HTR2B: variants seen among roughly 807,000 people sequenced by gnomAD.
The protein encoded by HTR2B is 5-hydroxytryptamine receptor 2B.
In HTR2B, 31 loss-of-function variants were observed where a neutral mutation model predicts 39.8. The ratio of observed to expected loss-of-function variants is 0.78; its 90% CI spans 0.58 to 1.05. HTR2B has a LOEUF of 1.05. HTR2B is among the 50% of genes least tolerant of loss of function. HTR2B has a pLI of 0.00. For synonymous variants in HTR2B, 210 were observed against 207.1 expected, an observed-to-expected ratio of 1.01 and a Z score of -0.12; for missense variants, 562 against 578.0, an observed-to-expected ratio of 0.97 and a Z score of 0.28.
chr2:231,113,596 C>A, intron 3 of HTR2B, 133 bp downstream of exon 3: 1 of 807,754 alleles, frequency 1.2e-6, no homozygotes. Flanking sequence ...ACATAAGGAG[C>A]TTATGTTAAT....
intron 2 of HTR2B, among the ~76,000 whole-genome samples, chr2:231,119,518 A>G (rs1695457801): frequency 6.6e-6 from 1 of 151,964 alleles, no homozygotes; most frequent in South Asian, 2.1e-4. Context: ...CATTTTATAT[A>G]CTCTTTCAGC....
chr2:231,119,764 G>A (rs929495640), intron 2 of HTR2B, among the ~76,000 whole-genome samples: 3 of 150,296 alleles, frequency 2.0e-5, no homozygotes, highest in African/African-American at 2.5e-5. Flanking sequence ...CCAGCTACTC[G>A]GGAGGCTGAG....
chr2:231,115,250 C>G (rs1360481691), intron 2 of HTR2B, among the ~76,000 whole-genome samples: 3 of 150,334 alleles, frequency 2.0e-5, no homozygotes, highest in African/African-American at 4.9e-5. Flanking sequence ...CTGTTATTTT[C>G]AAGCATCAAG....
chr2:231,111,725 T>C (rs535040004), intron 3 of HTR2B, among the ~76,000 whole-genome samples: 1 of 152,360 alleles, frequency 6.6e-6, no homozygotes, highest in Admixed American at 6.5e-5. Context: ...GCTGAAAAGC[T>C]GTAAGAGTTC....
rs774215062 is a variant in HTR2B at position 231,123,559 on chromosome 2, A to G, written c.206T>C (p.Ile69Thr). 1.1e-5 allele frequency: 17 copies of G among 1,613,980 alleles called. No individual in the cohort carries two copies. The highest frequency in any genetic ancestry group is 3.3e-5 in the Admixed American group (2 of 60,000). The change falls in exon 2 of 4, where the codon ATT becomes ACT. Residue 69 changes from isoleucine (I) to threonine (T), a missense_variant. Physicochemically the swap from Ile to Thr is moderately conservative, Grantham distance 89. Transcript: ENST00000258400. ...CAGAATAACAAGGGTATTTCCACCA[A>G]TTGTGGGTATTATCACCATGAGTAT... The part of the protein sequence containing the change: ...LLILMVIIPT[I>T]GGNTLVILAV...
intron 3 of HTR2B, among the ~76,000 whole-genome samples, chr2:231,109,768 A>T (rs1198846901): frequency 6.6e-6 from 1 of 152,174 alleles, no homozygotes; most frequent in Non-Finnish European, 1.5e-5. Context: ...TTCAGAAGAG[A>T]ACCTGCTTTT....
At chr2:231,121,575 G>A (rs2125229252) in intron 2 of HTR2B, among the ~76,000 whole-genome samples, 1 of 152,188 alleles carries the variant, frequency 6.6e-6, no homozygotes, top group Non-Finnish European at 1.5e-5. Context: ...TCAGCTGCTG[G>A]ATACCTATTT....
Position 231,123,423 on chromosome 2 carries a change from TG to T in HTR2B, c.341del (p.Thr114LysfsTer2). The T allele has an allele frequency of 6.2e-7, 1 of 1,613,012 alleles. No individual in the cohort carries two copies. The highest frequency in any genetic ancestry group is 8.5e-7 in the Non-Finnish European group (1 of 1,179,032). ...AAGTGAAATACTTACCAAACATTAT[TG>T]TCAAGAGGGCAATTGGCATCACAAA... ...GLFVMPIALL[T>X]IMFEAMWPLP... On this transcript the variant is annotated frameshift_variant, in exon 2 of 4. Transcript: ENST00000258400. LOFTEE classifies it high-confidence loss of function.
intron 2 of HTR2B, among the ~76,000 whole-genome samples, chr2:231,119,028 G>A (rs1695441450): frequency 6.6e-6 from 1 of 152,094 alleles, no homozygotes; most frequent in South Asian, 2.1e-4. Flanking sequence ...TTTCTGTTTT[G>A]TTTTTTACTT....
Position 231,113,752 on chromosome 2 carries a change from G to A in HTR2B, c.530C>T (p.Thr177Ile), listed in dbSNP as rs147997188. Residue 177 changes from threonine (T) to isoleucine (I), a missense_variant, in exon 3 of 4, where the codon ACA becomes ATA. Transcript: ENST00000258400. ...ACCTATTGAAATTAACCACACCACTGTAATCTTGATGAATGCTGTAGCCCG... is the reference window on the plus strand; with the variant it reads ...ACCTATTGAAATTAACCACACCACTATAATCTTGATGAATGCTGTAGCCCG... Reference protein sequence around the residue: ...NSRATAFIKITVVWLISIGIA... With the variant: ...NSRATAFIKIIVVWLISIGIA... The A allele has an allele frequency of 1.2e-6, 2 of 1,614,016 alleles. No homozygotes were observed. Among genetic ancestry groups the A allele is most frequent in the Non-Finnish European group, 1.7e-6 (2 of 1,179,898 alleles).
chr2:231,121,473 A>G (rs943486206), intron 2 of HTR2B, among the ~76,000 whole-genome samples: 2 of 152,226 alleles, frequency 1.3e-5, no homozygotes, highest in South Asian at 2.1e-4. Context: ...GACATTTCAC[A>G]TATTTTATGT....
In HTR2B at chr2:231,123,969, A is replaced by C. The variant is rs1695649648; in HGVS notation, c.-205T>G. On this transcript the variant is annotated 5_prime_UTR_variant, in exon 2 of 4. Transcript: ENST00000258400. Reference sequence around the variant, plus strand: ...TCCATGTTTGTAGGTAAGATATCCAAGTATTTATTATTTTCTAGAGGCTTA... The same window carrying C: ...TCCATGTTTGTAGGTAAGATATCCACGTATTTATTATTTTCTAGAGGCTTA... The C allele has an allele frequency of 3.6e-6, 2 of 561,726 alleles. No homozygotes were observed. Among genetic ancestry groups the C allele is most frequent in the Non-Finnish European group, 6.4e-6 (2 of 314,596 alleles). The allele number at this position is 561,726 out of a possible 1,614,324, so 34.8% of individuals were successfully genotyped here. A position where few individuals can be genotyped will look rare whatever the true frequency, so the allele number is the denominator to read the frequency against.
chr2:231,113,406 A>G lies in HTR2B; in HGVS notation c.553+323T>C, dbSNP rs974751334. ...GATTCCAAATGCTAGCTAGACCATA[A>G]TTATCTGTTGGGAAATATGAAGACT... is the stretch of plus-strand genomic sequence containing the variant. On this transcript the variant is annotated intron_variant, in intron 3 of 3. Transcript: ENST00000258400. Among the ~76,000 whole-genome samples, 5 of 152,320 alleles carry G rather than the reference A, an allele frequency of 3.3e-5. No homozygotes were observed. In the East Asian group the frequency reaches 5.8e-4, roughly 18 times the overall value.
chr2:231,114,006 C>G, intron 2 of HTR2B, 77 bp from the exon 3 acceptor site: 2 of 1,152,116 alleles, frequency 1.7e-6, no homozygotes, highest in Admixed American at 1.9e-5. Context: ...TCAGGTGATA[C>G]ATCTTTTGTC....
Position 231,109,406 on chromosome 2 carries a change from A to G in HTR2B, c.557T>C (p.Ile186Thr), listed in dbSNP as rs748785595. ...CCCTTTAATAGGGACTGGAATGGCA[A>G]TGCCTAAGGAAGAGGAAAACAAGAT... ...ITVVWLISIG[I>T]AIPVPIKGIE... The change falls in exon 4 of 4, where the codon ATT becomes ACT. Residue 186 changes from isoleucine to threonine, a missense_variant. Ile to Thr is a moderately conservative substitution (Grantham distance 89). Coordinates refer to ENST00000258400, the MANE Select transcript of HTR2B (RefSeq NM_000867.5). 72 of 1,613,544 alleles carry G rather than the reference A, an allele frequency of 4.5e-5. No homozygotes were observed. Among genetic ancestry groups the G allele is most frequent in the Admixed American group, 3.8e-4 (23 of 60,010 alleles).
rs1357022314 is a variant in HTR2B at position 231,125,023 on chromosome 2, A to G, written c.-418T>C. On this transcript the variant is annotated 5_prime_UTR_variant, in exon 1 of 4. Transcript: ENST00000258400. ...GCATGTCATCTTATCTGTTCACTAG[A>G]CTTGCTTGCTGCTGTGACTGAAATC... 1 of 152,122 alleles carries G rather than the reference A, an allele frequency of 6.6e-6. No homozygotes were observed. The highest frequency in any genetic ancestry group is 2.4e-5 in the African/African-American group (1 of 41,444). 9.4% of individuals were successfully genotyped at this position (152,122 alleles called of 1,614,324 possible).
At position 231,124,119 on chromosome 2, in the gene HTR2B, A is replaced by G; in HGVS notation, c.-355T>C. 1 of 259,464 alleles carries G rather than the reference A, an allele frequency of 3.9e-6. No homozygotes were observed. The highest frequency in any genetic ancestry group is 7.6e-6 in the Non-Finnish European group (1 of 132,106). The allele number at this position is 259,464 out of a possible 1,614,324, so 16.1% of individuals were successfully genotyped here. A position where few individuals can be genotyped will look rare whatever the true frequency, so the allele number is the denominator to read the frequency against. ...AGAGTCGTGTTTGAACTTGCATGCC[A>G]GAGAGTTCCCCCTAGATACAAAATA... On this transcript the variant is annotated 5_prime_UTR_variant, in exon 2 of 4. Coordinates refer to ENST00000258400, the MANE Select transcript of HTR2B (RefSeq NM_000867.5).
intron 2 of HTR2B, among the ~76,000 whole-genome samples, chr2:231,116,422 T>G (rs1695336505): frequency 6.6e-6 from 1 of 152,118 alleles, no homozygotes; most frequent in African/African-American, 2.4e-5. Context: ...AAGTCCTTAC[T>G]CTCTCTGTAA....
chr2:231,117,366 C>T (rs555500658), intron 2 of HTR2B, among the ~76,000 whole-genome samples: 3 of 151,930 alleles, frequency 2.0e-5, no homozygotes, highest in Non-Finnish European at 4.4e-5. Context: ...AAATGTGTAT[C>T]TAAGGGTCAG....
Sources: gnomAD v4.1 joint callset for allele counts (sites outside exome capture counted in the v4.1 genomes callset) on GRCh38, gnomAD v4.1.1 for gene constraint, MANE v1.5 for transcripts, NCBI Gene and HGNC (gene_info 2026-07-23, HGNC 2026-07-21) for gene names.